Variants in SERINC2 observed in about 807,000 individuals in gnomAD.
SERINC2 encodes tumor differentially expressed protein 2.
SERINC2 carries 56 observed loss-of-function variants against 54.2 expected under a neutral mutation model. The observed-to-expected ratio is 1.03, with a 90% CI of 0.83 to 1.29. The LOEUF (loss-of-function observed/expected upper bound fraction) is 1.29. Among genes scored for constraint, SERINC2 ranks in the 50% most tolerant of loss-of-function variants. The pLI, the probability that SERINC2 is intolerant of heterozygous loss-of-function variation, is 0.00. For synonymous variants in SERINC2, 272 were observed against 253.1 expected (o/e 1.07, Z -0.71); for missense variants, 614 against 607.4 (o/e 1.01, Z -0.12).
rs782387307 is a variant in SERINC2, at chr1:31,434,200, G to A, written c.*1G>A. On this transcript the variant is annotated 3_prime_UTR_variant, in exon 10 of 10. Transcript: ENST00000373709. ...CCTGCGCAACCGCGACTTCAGCTGAGGCAGCCTCACAGCCTGCCATCTGGT... is the reference window on the plus strand; with the variant it reads ...CCTGCGCAACCGCGACTTCAGCTGAAGCAGCCTCACAGCCTGCCATCTGGT... The A allele has an allele frequency of 1.2e-6, 2 of 1,612,268 alleles. No individual in the cohort carries two copies. The highest frequency in any genetic ancestry group is 1.7e-6 in the Non-Finnish European group (2 of 1,179,660).
rs1160999199 is a variant in SERINC2 at position 31,434,282 on chromosome 1, C to A, written c.*83C>A. 3 of 1,429,548 alleles carry A rather than the reference C, an allele frequency of 2.1e-6. No individual in the cohort carries two copies. Among genetic ancestry groups the A allele is most frequent in the Non-Finnish European group, 1.9e-6 (2 of 1,042,670 alleles). The allele number at this position is 1,429,548 out of a possible 1,614,324, so 88.6% of individuals were successfully genotyped here. On this transcript the variant is annotated 3_prime_UTR_variant, in exon 10 of 10. Coordinates refer to ENST00000373709, the MANE Select transcript of SERINC2 (RefSeq NM_178865.5). The stretch of plus-strand genomic sequence containing the variant: ...TGACAGCCAACCTGCCCCCTCCCCA[C>A]ACCAATCAGCCAGGCTGAGCCCCCA...
rs1640708631 is a variant in SERINC2 at position 31,413,896 on chromosome 1, CCCGTCCGT to C, written c.39+595_39+602del. 1 of 1,405,452 alleles carries C rather than the reference CCCGTCCGT, an allele frequency of 7.1e-7. No homozygotes were observed. Among genetic ancestry groups the C allele is most frequent in the Admixed American group, 2.8e-5 (1 of 36,022 alleles). 87.1% of individuals were successfully genotyped at this position (1,405,452 alleles called of 1,614,324 possible). A position where few individuals can be genotyped will look rare whatever the true frequency, so the allele number is the denominator to read the frequency against. ...TGTCTTCTGTCCGTCTGCCCGTCCG[CCCGTCCGT>C]CCCTCAGTCTCTCTGCGGTCCCTTT... is the stretch of plus-strand genomic sequence containing the variant. On this transcript the variant is annotated intron_variant, in intron 1 of 9. Coordinates refer to ENST00000373709, the MANE Select transcript of SERINC2 (RefSeq NM_178865.5). This position sits in a 1 kb window ranked among gnomAD's most constrained non-coding sequence, Gnocchi z 5.0.
At position 31,413,242 on chromosome 1, in the gene SERINC2, CGCCCGAAGCCGGGA is replaced by C. The variant is rs1570019544; in HGVS notation, c.-20_-7del. ...TCCGCGCCCCGCGCCCGGCGCCGGGCGCCCGAAGCCGGGAGCCGCCGCCATGGGGGCCTGCCTGG... is the reference window on the plus strand; with the variant it reads ...TCCGCGCCCCGCGCCCGGCGCCGGGCGCCGCCGCCATGGGGGCCTGCCTGG... On this transcript the variant is annotated 5_prime_UTR_variant, in exon 1 of 10. Transcript: ENST00000373709. The surrounding 1 kb of genome is among the most constrained non-coding windows in gnomAD (Gnocchi z 5.0). 1 of 1,168,020 alleles carries C rather than the reference CGCCCGAAGCCGGGA, an allele frequency of 8.6e-7. No individual in the cohort carries two copies. The highest frequency in any genetic ancestry group is 3.8e-5 in the South Asian group (1 of 26,632). 72.4% of individuals were successfully genotyped at this position (1,168,020 alleles called of 1,614,324 possible).
chr1:31,431,832 T>TAGGATGGTTAGGGTGGAC, intron 8 of SERINC2, among the ~76,000 whole-genome samples: 1 of 28,104 alleles, frequency 3.6e-5, no homozygotes, highest in South Asian at 1.2e-3. Context: ...ATAGGGTGGA[T>TAGGATGGTTAGGGTGGAC]AGGGTGGATA....
chr1:31,433,248 C>T (rs573048512), intron 9 of SERINC2, 63 bp downstream of exon 9: 2 of 1,395,438 alleles, frequency 1.4e-6, no homozygotes, highest in South Asian at 2.4e-5. Context: ...ACACATCTCT[C>T]CTGCGGCCCT....
rs781993040 is a variant in SERINC2, at chr1:31,434,221, C to G, written c.*22C>G. ...CTGAGGCAGCCTCACAGCCTGCCAT[C>G]TGGTGCCTCCTGCCACCTGGTGCCT... On this transcript the variant is annotated 3_prime_UTR_variant, in exon 10 of 10. Coordinates refer to ENST00000373709, the MANE Select transcript of SERINC2 (RefSeq NM_178865.5). The G allele has an allele frequency of 1.9e-6, 3 of 1,606,904 alleles. No individual in the cohort carries two copies. Among genetic ancestry groups the G allele is most frequent in the Admixed American group, 3.3e-5 (2 of 59,750 alleles).
chr1:31,434,141 T>A lies in SERINC2; in HGVS notation c.1310T>A (p.Leu437His), dbSNP rs200445442. Residue 437 changes from leucine (L) to histidine (H), a missense_variant, in exon 10 of 10, where the codon CTC becomes CAC. By Grantham distance (99) the Leu-to-His change is moderately conservative. Transcript: ENST00000373709. ...VKICASWAGL[L>H]LYLWTLVAPL... ...ATCTGTGCCAGCTGGGCAGGGCTGC[T>A]CCTCTACCTGTGGACCCTGGTAGCC... 5.0e-6 allele frequency: 8 copies of A among 1,613,888 alleles called. No individual in the cohort carries two copies. The highest frequency in any genetic ancestry group is 2.5e-6 in the Non-Finnish European group (3 of 1,179,926).
intron 1 of SERINC2, among the ~76,000 whole-genome samples, chr1:31,420,687 A>G (rs1292007592): frequency 1.3e-5 from 2 of 152,198 alleles, no homozygotes; most frequent in Non-Finnish European, 2.9e-5. Context: ...TCCTCAGCTT[A>G]CTTGCTGTGT....
intron 1 of SERINC2, among the ~76,000 whole-genome samples, chr1:31,420,994 G>T (rs1206358717): frequency 6.6e-6 from 1 of 152,036 alleles, no homozygotes; most frequent in Non-Finnish European, 1.5e-5. Flanking sequence ...TTTATAGCAG[G>T]GGTCCCCAAC....
chr1:31,417,889 C>CTCTGTTG, intron 1 of SERINC2, among the ~76,000 whole-genome samples: 1 of 124,650 alleles, frequency 8.0e-6, no homozygotes, highest in East Asian at 2.6e-4. Flanking sequence ...CAGAGTCCTG[C>CTCTGTTG]TCTGTTGCCC....
intron 8 of SERINC2, among the ~76,000 whole-genome samples, chr1:31,432,101 A>ATAGGATGGT (rs1641285287): frequency 8.9e-6 from 1 of 112,796 alleles, no homozygotes; most frequent in Non-Finnish European, 1.8e-5. Context: ...GACAGGGTGG[A>ATAGGATGGT]CAGGGTGGAT....
chr1:31,432,174 T>C (rs147932184), intron 8 of SERINC2, among the ~76,000 whole-genome samples: 2,642 of 24,286 alleles, frequency 0.11, 282 homozygotes, highest in Non-Finnish European at 0.26. Context: ...ATAGGGTGGA[T>C]AGGGTGGATA....
upstream of SERINC2, among the ~76,000 whole-genome samples, chr1:31,412,933 T>G (rs1250826279): frequency 6.6e-6 from 1 of 152,154 alleles, no homozygotes; most frequent in Non-Finnish European, 1.5e-5. Context: ...AGGGTGACAG[T>G]GTCCTGGGGT....
chr1:31,423,118 C>A (rs1640941251), intron 1 of SERINC2, among the ~76,000 whole-genome samples: 1 of 152,206 alleles, frequency 6.6e-6, no homozygotes, highest in African/African-American at 2.4e-5. Flanking sequence ...CCACAATGAA[C>A]AAAACGCAAA....
chr1:31,434,197 T>C lies in SERINC2; in HGVS notation c.1366T>C (p.Ter456ArgextTer20), dbSNP rs1553135354. 1 of 1,612,618 alleles carries C rather than the reference T, an allele frequency of 6.2e-7. No individual in the cohort carries two copies. The highest frequency in any genetic ancestry group is 8.5e-7 in the Non-Finnish European group (1 of 1,179,712). The change falls in exon 10 of 10, where the codon TGA (stop) becomes CGA (arginine). Residue 456 changes from the stop codon to arginine, a stop_lost. Transcript: ENST00000373709. ...PLLLRNRDFS[*>R] Reference sequence around the variant, plus strand: ...CCTCCTGCGCAACCGCGACTTCAGCTGAGGCAGCCTCACAGCCTGCCATCT... The same window carrying C: ...CCTCCTGCGCAACCGCGACTTCAGCCGAGGCAGCCTCACAGCCTGCCATCT...
intron 8 of SERINC2, among the ~76,000 whole-genome samples, chr1:31,431,873 TGGACAGGGTGGACAGGGTGGA>T: frequency 6.8e-6 from 1 of 146,394 alleles, no homozygotes; most frequent in African/African-American, 2.5e-5. Flanking sequence ...GTGGATAGGG[TGGACAGGGTGGACAGGGTGGA>T]TAGGGTGGAT....
intron 2 of SERINC2, 150 bp downstream of exon 2, chr1:31,424,004 G>A: frequency 1.4e-6 from 1 of 702,560 alleles, no homozygotes; most frequent in South Asian, 1.9e-5. Context: ...ATGAGGGGAG[G>A]AGGGCTTGAG....
chr1:31,409,979 C>T (rs1640622331), upstream of SERINC2: 6 of 1,010,816 alleles, frequency 5.9e-6, no homozygotes, highest in Non-Finnish European at 8.6e-6. Flanking sequence ...GTGGGTGGTC[C>T]AAGAAGTCAG....
intron 1 of SERINC2, among the ~76,000 whole-genome samples, chr1:31,417,107 G>T (rs782031798): frequency 6.6e-6 from 1 of 152,188 alleles, no homozygotes; most frequent in Non-Finnish European, 1.5e-5. Flanking sequence ...GAATGGCATT[G>T]TCAGAAGGAG....
Sources: allele counts gnomAD v4.1 joint callset (sites outside exome capture counted in the v4.1 genomes callset), GRCh38; gene constraint gnomAD v4.1.1; non-coding constraint Gnocchi (gnomAD v3.1); transcripts MANE v1.5; gene names NCBI Gene and HGNC (gene_info 2026-07-23, HGNC 2026-07-21).